Variants in MAX observed in about 807,000 individuals in gnomAD.
The protein encoded by MAX is protein max.
Under a neutral mutation model 22.3 loss-of-function variants are expected in MAX, and 3 were observed. That is an observed-to-expected ratio of 0.13 (90% CI 0.06 to 0.35). MAX has a LOEUF of 0.35. MAX is among the 10% of genes least tolerant of loss of function. The pLI is 1.00. For missense variants in MAX, 119 were observed against 209.4 expected, an observed-to-expected ratio of 0.57 and a Z score of 2.66; for synonymous variants, 72 against 77.7, an observed-to-expected ratio of 0.93 and a Z score of 0.39.
chr14:65,084,977 G>T lies in MAX; in HGVS notation c.172-6941C>A, dbSNP rs191859617. On this transcript the variant is annotated intron_variant, in intron 3 of 4. Coordinates refer to ENST00000358664, the MANE Select transcript of MAX (RefSeq NM_002382.5). This position sits in a 1 kb window ranked among gnomAD's most constrained non-coding sequence, Gnocchi z 4.3. ...TTTAGTCACATTAAATGGGGCAGGG[G>T]GGGTACGGAGAGTCTATTTTTGGAT... 6.5e-3 allele frequency among the ~76,000 whole-genome samples: 984 copies of T among 152,214 alleles called. 1 individual carries two copies. Among genetic ancestry groups the T allele is most frequent in the Non-Finnish European group, 8.3e-3 (567 of 68,018 alleles).
At chr14:65,038,815 T>C (rs2062275380) in intron 3 of MAX, among the ~76,000 whole-genome samples, 1 of 152,230 alleles carries the variant, frequency 6.6e-6, no homozygotes, top group Non-Finnish European at 1.5e-5. Flanking sequence ...TTAGTATTTA[T>C]CTTCTAATCC....
Position 65,062,882 on chromosome 14 carries a change from G to T in MAX, c.171+30826C>A, listed in dbSNP as rs765259684. On this transcript the variant is annotated intron_variant, in intron 3 of 3. Transcript: ENST00000341653. This position sits in a 1 kb window ranked among gnomAD's most constrained non-coding sequence, Gnocchi z 4.3. ...TTTTCCAAGCTCCCTGGGGTAATTCGGTATGCTATGTCCCAGCCCTCCACA... is the reference window on the plus strand; with the variant it reads ...TTTTCCAAGCTCCCTGGGGTAATTCTGTATGCTATGTCCCAGCCCTCCACA... Among the ~76,000 whole-genome samples the T allele has an allele frequency of 6.6e-6, 1 of 152,192 alleles. No individual in the cohort carries two copies. Among genetic ancestry groups the T allele is most frequent in the Admixed American group, 6.5e-5 (1 of 15,274 alleles).
intron 3 of MAX, among the ~76,000 whole-genome samples, chr14:65,053,916 A>T (rs182206411): frequency 5.9e-5 from 9 of 152,188 alleles, no homozygotes; most frequent in Admixed American, 3.3e-4. Flanking sequence ...CCATTTCTAG[A>T]TATTTAGGTA....
intron 1 of MAX, 110 bp downstream of exon 1, chr14:65,102,194 G>C (rs930251425): frequency 3.7e-5 from 57 of 1,557,702 alleles, no homozygotes; most frequent in Non-Finnish European, 4.7e-5. Flanking sequence ...GAGGGGAAGG[G>C]GAAGGAGGCG....
Position 65,007,910 on chromosome 14 carries a change from G to A in MAX, c.172-1626C>T, listed in dbSNP as rs923782145. 1.3e-5 allele frequency among the ~76,000 whole-genome samples: 2 copies of A among 152,196 alleles called. No homozygotes were observed. Among genetic ancestry groups the A allele is most frequent in the African/African-American group, 4.8e-5 (2 of 41,438 alleles). Reference sequence around the variant, plus strand: ...TATTGATAATGTCCCTGTGCTAATAGAGCCCTGGAGGTTAAGTGCTGACAA... The same window carrying A: ...TATTGATAATGTCCCTGTGCTAATAAAGCCCTGGAGGTTAAGTGCTGACAA... On this transcript the variant is annotated intron_variant, in intron 3 of 3. Coordinates refer to the MAX transcript ENST00000341653. The surrounding 1 kb of genome is among the most constrained non-coding windows in gnomAD (Gnocchi z 4.9).
At chr14:65,057,796 T>C (rs558466193) in intron 3 of MAX, among the ~76,000 whole-genome samples, 5 of 152,244 alleles carry the variant, frequency 3.3e-5, no homozygotes, top group Non-Finnish European at 7.3e-5. Flanking sequence ...ACCAGCACCA[T>C]TTACTGAAGT....
intron 3 of MAX, among the ~76,000 whole-genome samples, chr14:65,033,593 C>T (rs752667483): frequency 3.9e-5 from 6 of 152,250 alleles, no homozygotes; most frequent in Middle Eastern, 6.8e-3. Flanking sequence ...TGCGGTGGCT[C>T]ACGCCTGTAA....
Position 65,009,185 on chromosome 14 carries a change from G to T in MAX, c.172-2901C>A, listed in dbSNP as rs1301145739. Among the ~76,000 whole-genome samples, 1 of 152,176 alleles carries T rather than the reference G, an allele frequency of 6.6e-6. No individual in the cohort carries two copies. Among genetic ancestry groups the T allele is most frequent in the Non-Finnish European group, 1.5e-5 (1 of 68,028 alleles). ...GTGAGGGTATTAGTCAGCTTGGGCTGCCATAAGACGGTATCACAGATGGGG... is the reference window on the plus strand; with the variant it reads ...GTGAGGGTATTAGTCAGCTTGGGCTTCCATAAGACGGTATCACAGATGGGG... On this transcript the variant is annotated intron_variant, in intron 3 of 3. Transcript: ENST00000341653. The surrounding 1 kb of genome is among the most constrained non-coding windows in gnomAD (Gnocchi z 4.2).
intron 1 of MAX, 141 bp downstream of exon 1, chr14:65,102,163 G>C: frequency 6.8e-7 from 1 of 1,477,236 alleles, no homozygotes. Context: ...CCGGGAACGC[G>C]ACGGAGGCAC....
intron 3 of MAX, among the ~76,000 whole-genome samples, chr14:65,081,187 G>A (rs1472474599): frequency 6.6e-6 from 1 of 152,194 alleles, no homozygotes; most frequent in Non-Finnish European, 1.5e-5. Context: ...GTCACTTAGG[G>A]TGCCCTGATC....
Position 65,076,376 on chromosome 14 carries a change from A to G in MAX, c.*100T>C. The G allele has an allele frequency of 6.4e-7, 1 of 1,573,628 alleles. No homozygotes were observed. On this transcript the variant is annotated 3_prime_UTR_variant, in exon 5 of 5. Coordinates refer to ENST00000358664, the MANE Select transcript of MAX (RefSeq NM_002382.5). The surrounding 1 kb of genome is among the most constrained non-coding windows in gnomAD (Gnocchi z 6.6). ...AAAAAAAGGGAGAAAGAGAAAAATAAAGAGTCTCTTAAATGGTTCTGAGGG... is the reference window on the plus strand; with the variant it reads ...AAAAAAAGGGAGAAAGAGAAAAATAGAGAGTCTCTTAAATGGTTCTGAGGG...
intron 3 of MAX, among the ~76,000 whole-genome samples, chr14:65,045,624 C>T (rs2062460717): frequency 6.6e-6 from 1 of 152,198 alleles, no homozygotes. Flanking sequence ...CCATGTTGGA[C>T]AGGCTGTTCT....
intron 2 of MAX, among the ~76,000 whole-genome samples, chr14:65,101,018 T>C (rs369469003): frequency 2.0e-5 from 3 of 152,374 alleles, no homozygotes; most frequent in East Asian, 3.9e-4. Context: ...GACACTTTGA[T>C]GATGTAACGT....
At chr14:65,096,331 T>A (rs1157035999) in intron 2 of MAX, among the ~76,000 whole-genome samples, 1 of 152,170 alleles carries the variant, frequency 6.6e-6, no homozygotes, top group East Asian at 1.9e-4. Flanking sequence ...ATTTTTCTCT[T>A]CCCCAAGCTT....
downstream of MAX, among the ~76,000 whole-genome samples, chr14:65,073,522 C>T (rs1007210054): frequency 7.9e-5 from 12 of 152,204 alleles, no homozygotes; most frequent in Non-Finnish European, 1.6e-4. Context: ...GCACGCTTAA[C>T]AGACTCCTCA....
chr14:65,013,650 C>G (rs185840447), intron 3 of MAX, among the ~76,000 whole-genome samples: 1 of 152,148 alleles, frequency 6.6e-6, no homozygotes, highest in South Asian at 2.1e-4. Context: ...CAGGTTCAAG[C>G]GATTCTCTTG....
intron 3 of MAX, chr14:65,053,051 G>T: frequency 2.6e-6 from 1 of 390,466 alleles, no homozygotes; most frequent in Non-Finnish European, 4.4e-6. Flanking sequence ...TTTGACACAT[G>T]TCAAAGTTCA....
intron 3 of MAX, among the ~76,000 whole-genome samples, chr14:65,019,584 G>T (rs2061849084): frequency 6.6e-6 from 1 of 152,170 alleles, no homozygotes. Flanking sequence ...AAAAGGAATG[G>T]TTTAAAAATA....
chr14:65,037,741 A>T (rs190601645), intron 3 of MAX, among the ~76,000 whole-genome samples: 3 of 132,718 alleles, frequency 2.3e-5, no homozygotes, highest in South Asian at 2.4e-4. Flanking sequence ...TTATTTATTT[A>T]TTATTTATTT....
Sources: gnomAD v4.1 joint callset for allele counts (sites outside exome capture counted in the v4.1 genomes callset) on GRCh38, gnomAD v4.1.1 for gene constraint, Gnocchi (gnomAD v3.1) non-coding constraint, MANE v1.5 for transcripts, NCBI Gene and HGNC (gene_info 2026-07-23, HGNC 2026-07-21) for gene names.